Variants in IFT43 observed in about 807,000 individuals in gnomAD.
The protein encoded by IFT43 is intraflagellar transport 43, also known as intraflagellar transport protein 43 homolog.
In IFT43, 33 loss-of-function variants were observed where a neutral mutation model predicts 32.3. That is an observed-to-expected ratio of 1.02 (90% CI 0.77 to 1.37). IFT43 has a LOEUF of 1.37. Among genes scored for constraint, IFT43 ranks in the 40% most tolerant of loss-of-function variants. The pLI is 0.00. For synonymous variants in IFT43, 93 were observed against 98.2 expected (o/e 0.95, Z 0.31); for missense variants, 274 against 265.9 (o/e 1.03, Z -0.21).
chr14:76,083,440 C>T lies in IFT43; in HGVS notation c.508-18C>T, dbSNP rs766042096. On this transcript the variant is annotated intron_variant, in intron 8 of 8. Coordinates refer to ENST00000314067, the MANE Select transcript of IFT43 (RefSeq NM_001102564.3). ...AAAGGCCTTTCTTTGTCTTACCCAG[C>T]GAAACCCTTCTTGGCAGGATGATGT... is the stretch of plus-strand genomic sequence containing the variant. 8 of 1,613,986 alleles carry T rather than the reference C, an allele frequency of 5.0e-6. No individual in the cohort carries two copies. The highest frequency in any genetic ancestry group is 1.7e-5 in the Admixed American group (1 of 59,998).
At chr14:76,005,976 A>G (rs1445210929) in intron 2 of IFT43, among the ~76,000 whole-genome samples, 2 of 148,898 alleles carry the variant, frequency 1.3e-5, no homozygotes, top group African/African-American at 2.5e-5. Context: ...TTTTTTTCAG[A>G]TGATATTATT....
chr14:76,059,541 A>G, intron 5 of IFT43, 168 bp downstream of exon 5: 2 of 683,998 alleles, frequency 2.9e-6, no homozygotes, highest in Non-Finnish European at 5.3e-6. Context: ...TGCCACCTCT[A>G]CCTGGAGTAT....
intron 2 of IFT43, among the ~76,000 whole-genome samples, chr14:76,013,023 T>C (rs377076870): frequency 5.9e-5 from 9 of 152,210 alleles, no homozygotes; most frequent in African/African-American, 2.2e-4. Context: ...AATAGGTTCT[T>C]CTAAAATGCC....
intron 3 of IFT43, among the ~76,000 whole-genome samples, chr14:76,028,973 A>G (rs927388752): frequency 1.3e-5 from 2 of 152,194 alleles, no homozygotes; most frequent in African/African-American, 4.8e-5. Flanking sequence ...TTGGGTATGT[A>G]TATACCACCC....
chr14:76,023,826 A>G (rs1374027657), intron 3 of IFT43, among the ~76,000 whole-genome samples: 1 of 152,258 alleles, frequency 6.6e-6, no homozygotes, highest in African/African-American at 2.4e-5. Context: ...TGTGAACTAC[A>G]TTAAAGCCTT....
chr14:76,067,673 C>G (rs2037249060), intron 5 of IFT43, among the ~76,000 whole-genome samples: 1 of 151,984 alleles, frequency 6.6e-6, no homozygotes. Context: ...GCTTTGGGAT[C>G]TATTGCTTAA....
At chr14:76,083,422 T>C (rs1192097828) in intron 8 of IFT43, 36 bp from the exon 9 acceptor site, 2 of 1,614,084 alleles carry the variant, frequency 1.2e-6, no homozygotes, top group Non-Finnish European at 1.7e-6. Context: ...GGAAAAGGCC[T>C]TTCTTTGTCT....
intron 2 of IFT43, among the ~76,000 whole-genome samples, chr14:76,007,305 T>C (rs1178535675): frequency 6.6e-6 from 1 of 152,198 alleles, no homozygotes; most frequent in Non-Finnish European, 1.5e-5. Flanking sequence ...AAACCTGCAG[T>C]GTCCCTGGTC....
intron 5 of IFT43, among the ~76,000 whole-genome samples, chr14:76,070,656 G>A (rs1436385611): frequency 4.6e-5 from 7 of 152,178 alleles, no homozygotes; most frequent in Non-Finnish European, 1.0e-4. Context: ...GGGGCCTAGT[G>A]TGAGGTGACT....
intron 3 of IFT43, among the ~76,000 whole-genome samples, chr14:76,034,821 C>G (rs1436936448): frequency 6.6e-6 from 1 of 152,224 alleles, no homozygotes; most frequent in African/African-American, 2.4e-5. Context: ...GTCCCTTCCC[C>G]TTGGCGTCAG....
Position 76,052,593 on chromosome 14 carries a change from T to C in IFT43, c.216-6049T>C, listed in dbSNP as rs913433614. Among the ~76,000 whole-genome samples, 4 of 152,188 alleles carry C rather than the reference T, an allele frequency of 2.6e-5. No homozygotes were observed. The East Asian group carries it at 7.7e-4, about 29-fold the overall frequency. On this transcript the variant is annotated intron_variant, in intron 3 of 8. Coordinates refer to ENST00000314067, the MANE Select transcript of IFT43 (RefSeq NM_001102564.3). ...AGATTCTGCCATGGTCCCATGTGGC[T>C]GAAGTCACAGATGTGCCACTGGGAT...
chr14:76,083,297 G>C lies in IFT43; in HGVS notation c.507+8G>C. 1 of 1,612,640 alleles carries C rather than the reference G, an allele frequency of 6.2e-7. No homozygotes were observed. The highest frequency in any genetic ancestry group is 8.5e-7 in the Non-Finnish European group (1 of 1,178,632). ...GAGCACGAAGTCCGGGAGGTACAGT[G>C]GTGGCAGCAATTCCCCGGTCTCTCA... On this transcript the variant is annotated splice_region_variant and intron_variant, in intron 8 of 8. Coordinates refer to ENST00000314067, the MANE Select transcript of IFT43 (RefSeq NM_001102564.3).
At chr14:76,067,421 T>A (rs1261660083) in intron 5 of IFT43, among the ~76,000 whole-genome samples, 5 of 151,680 alleles carry the variant, frequency 3.3e-5, no homozygotes, top group Non-Finnish European at 7.4e-5. Flanking sequence ...AAAAAAAAAA[T>A]TAGTCGTGTG....
intron 3 of IFT43, among the ~76,000 whole-genome samples, chr14:76,028,894 C>A (rs142249564): frequency 1.3e-5 from 2 of 152,152 alleles, no homozygotes; most frequent in African/African-American, 4.8e-5. Flanking sequence ...CATGTCTTTC[C>A]TCTTGTGAAC....
chr14:75,998,866 G>A (rs977752857), intron 2 of IFT43, among the ~76,000 whole-genome samples: 7 of 152,104 alleles, frequency 4.6e-5, no homozygotes, highest in African/African-American at 1.7e-4. Context: ...CCGAGTAACT[G>A]GAACTATAGG....
chr14:76,083,725 A>T lies in IFT43; in HGVS notation c.*148A>T. 2 of 797,404 alleles carry T rather than the reference A, an allele frequency of 2.5e-6. No homozygotes were observed. The highest frequency in any genetic ancestry group is 1.7e-5 in the African/African-American group (1 of 58,820). 49.4% of individuals were successfully genotyped at this position (797,404 alleles called of 1,614,324 possible). ...ACATTGGATAATTCAATTGCAATAAATTGCTTATTCTGTGCCATCTCCTCC... is the reference window on the plus strand; with the variant it reads ...ACATTGGATAATTCAATTGCAATAATTTGCTTATTCTGTGCCATCTCCTCC... On this transcript the variant is annotated 3_prime_UTR_variant, in exon 9 of 9. Transcript: ENST00000314067.
intron 2 of IFT43, among the ~76,000 whole-genome samples, chr14:76,008,136 A>G (rs183013679): frequency 6.6e-6 from 1 of 152,286 alleles, no homozygotes; most frequent in African/African-American, 2.4e-5. Flanking sequence ...CCTGAGCATC[A>G]TGTTATGTCT....
At chr14:76,018,924 A>C (rs1047897815) in intron 2 of IFT43, among the ~76,000 whole-genome samples, 1 of 151,954 alleles carries the variant, frequency 6.6e-6, no homozygotes, top group African/African-American at 2.4e-5. Context: ...AAGTGAAGTA[A>C]GTTTCTTATA....
intron 5 of IFT43, among the ~76,000 whole-genome samples, chr14:76,066,122 C>T (rs1287778308): frequency 6.6e-6 from 1 of 152,184 alleles, no homozygotes; most frequent in Non-Finnish European, 1.5e-5. Flanking sequence ...ATGTCAGCTT[C>T]CAGATTTGTA....
Sources: gnomAD v4.1 joint callset for allele counts (sites outside exome capture counted in the v4.1 genomes callset) on GRCh38, gnomAD v4.1.1 for gene constraint, MANE v1.5 for transcripts, NCBI Gene and HGNC (gene_info 2026-07-23, HGNC 2026-07-21) for gene names.